Variants in SLC38A11 observed in about 807,000 individuals in gnomAD.
The protein encoded by SLC38A11 is putative sodium-coupled neutral amino acid transporter 11.
Under a neutral mutation model 49.4 loss-of-function variants are expected in SLC38A11, and 51 were observed. The ratio of observed to expected loss-of-function variants is 1.03; its 90% CI spans 0.83 to 1.30. The LOEUF (loss-of-function observed/expected upper bound fraction) is 1.30, where lower values mean the gene tolerates loss of function less well. Ranked by LOEUF, SLC38A11 falls within the 50% of genes most tolerant of loss-of-function variation. The pLI is 0.00. For missense variants in SLC38A11, 574 were observed against 556.2 expected, an observed-to-expected ratio of 1.03 and a Z score of -0.32; for synonymous variants, 203 against 192.9, an observed-to-expected ratio of 1.05 and a Z score of -0.43.
At chr2:164,946,393 C>T (rs200985301) in intron 3 of SLC38A11, among the ~76,000 whole-genome samples, 1 of 151,700 alleles carries the variant, frequency 6.6e-6, no homozygotes, top group African/African-American at 2.4e-5. Context: ...TGGTGAAACC[C>T]CATCTCTACT....
intron 9 of SLC38A11, among the ~76,000 whole-genome samples, chr2:164,913,320 T>G (rs1685533556): frequency 6.6e-6 from 1 of 152,018 alleles, no homozygotes; most frequent in African/African-American, 2.4e-5. Flanking sequence ...AAGTTCCCCG[T>G]TCACTAACCT....
At chr2:164,940,228 TTATATATA>T (rs5836006) in intron 5 of SLC38A11, among the ~76,000 whole-genome samples, 3,337 of 142,128 alleles carry the variant, frequency 0.023, 116 homozygotes, top group African/African-American at 0.073. Context: ...ATAGAAAATT[TTATATATA>T]TATATATATA....
intron 10 of SLC38A11, among the ~76,000 whole-genome samples, chr2:164,909,465 T>C (rs915435084): frequency 1.3e-5 from 2 of 151,336 alleles, no homozygotes; most frequent in Non-Finnish European, 2.9e-5. Context: ...AAAAAGCAAG[T>C]AGAGATCAAT....
chr2:164,914,390 G>A (rs947033464), intron 9 of SLC38A11, among the ~76,000 whole-genome samples: 2 of 152,002 alleles, frequency 1.3e-5, no homozygotes, highest in African/African-American at 4.8e-5. Flanking sequence ...CAAAAAAAGA[G>A]AGAAATATCT....
At chr2:164,901,584 C>G (rs528723520) in intron 11 of SLC38A11, among the ~76,000 whole-genome samples, 6 of 152,178 alleles carry the variant, frequency 3.9e-5, no homozygotes, top group African/African-American at 1.4e-4. Flanking sequence ...AAAAATGCTA[C>G]TGATTTTTGT....
intron 7 of SLC38A11, among the ~76,000 whole-genome samples, chr2:164,929,278 A>G (rs1186643111): frequency 6.6e-6 from 1 of 152,108 alleles, no homozygotes; most frequent in Admixed American, 6.6e-5. Context: ...TTCTGTTGGC[A>G]TCACTGTCCT....
At position 164,911,839 on chromosome 2, in the gene SLC38A11, G is replaced by T. The variant is rs1039787502; in HGVS notation, c.851-91C>A. ...ATTAAATATTAGATATTACAGTTAT[G>T]CATCACCTAATGGCCCACATATATG... On this transcript the variant is annotated intron_variant, in intron 9 of 11. Transcript: ENST00000685975. The T allele has an allele frequency of 2.8e-5, 18 of 633,542 alleles. No individual in the cohort carries two copies. In the Admixed American group the frequency reaches 6.1e-4, roughly 21 times the overall value. The allele number at this position is 633,542 out of a possible 1,614,324, so 39.2% of individuals were successfully genotyped here.
At chr2:164,922,343 A>T (rs1250764477) in intron 7 of SLC38A11, 1 of 152,210 alleles carries the variant, frequency 6.6e-6, no homozygotes, top group Non-Finnish European at 1.5e-5. Flanking sequence ...GCTTTGGATG[A>T]CACAAAACAA....
intron 11 of SLC38A11, among the ~76,000 whole-genome samples, chr2:164,899,227 T>C (rs547824235): frequency 2.0e-5 from 3 of 152,246 alleles, no homozygotes; most frequent in Admixed American, 2.0e-4. Flanking sequence ...TGTGCCTATC[T>C]GTGTGAGAAA....
intron 7 of SLC38A11, among the ~76,000 whole-genome samples, chr2:164,925,219 A>T (rs865880750): frequency 5.3e-5 from 8 of 152,178 alleles, no homozygotes; most frequent in African/African-American, 1.9e-4. Flanking sequence ...ATTGGTGTTA[A>T]CTGTGTTTAC....
chr2:164,926,664 C>T (rs1242953795), intron 7 of SLC38A11, among the ~76,000 whole-genome samples: 2 of 151,994 alleles, frequency 1.3e-5, no homozygotes, highest in African/African-American at 4.8e-5. Flanking sequence ...ACATATACAC[C>T]ATGAAATACT....
rs530253021 is a variant in SLC38A11, at chr2:164,924,872, A to C, written c.618-8899T>G. ...GCCTCAGCCTCCCGAGTAGCTGGGAATACAGGCACCAGCCACCATGCCCGG... is the reference window on the plus strand; with the variant it reads ...GCCTCAGCCTCCCGAGTAGCTGGGACTACAGGCACCAGCCACCATGCCCGG... On this transcript the variant is annotated intron_variant, in intron 7 of 11. Transcript: ENST00000685975. 3.1e-3 allele frequency among the ~76,000 whole-genome samples: 468 copies of C among 151,926 alleles called. 1 individual carries two copies. The highest frequency in any genetic ancestry group is 0.011 in the African/African-American group (442 of 41,444).
intron 5 of SLC38A11, among the ~76,000 whole-genome samples, chr2:164,940,908 C>T (rs1687722836): frequency 2.0e-5 from 3 of 151,674 alleles, no homozygotes; most frequent in Admixed American, 2.0e-4. Context: ...TTCCAAAATC[C>T]ATGCACTCAC....
chr2:164,949,186 C>T (rs1265874336), intron 3 of SLC38A11, among the ~76,000 whole-genome samples: 2 of 101,000 alleles, frequency 2.0e-5, no homozygotes, highest in Non-Finnish European at 4.0e-5. Flanking sequence ...GTTTACCCAT[C>T]GGATTCTAAT....
At chr2:164,917,233 A>G (rs570979993) in intron 7 of SLC38A11, among the ~76,000 whole-genome samples, 1 of 152,316 alleles carries the variant, frequency 6.6e-6, no homozygotes, top group East Asian at 1.9e-4. Context: ...AATAAAAAAC[A>G]GAAATTCTAA....
In SLC38A11 at chr2:164,930,043, A is replaced by T. The variant is rs1321898306; in HGVS notation, c.617+7307T>A. Reference sequence around the variant, plus strand: ...GATGAAAAGCAAGAAGATCCAAATAAATATAATTAAAAACGACAAGGGGAA... The same window carrying T: ...GATGAAAAGCAAGAAGATCCAAATATATATAATTAAAAACGACAAGGGGAA... On this transcript the variant is annotated intron_variant, in intron 7 of 11. Transcript: ENST00000685975. 4.6e-5 allele frequency among the ~76,000 whole-genome samples: 7 copies of T among 152,026 alleles called. No individual in the cohort carries two copies. In the East Asian group the frequency reaches 1.4e-3, roughly 29 times the overall value.
In SLC38A11 at chr2:164,894,490, T is replaced by G. The variant is rs1400750620; in HGVS notation, c.*3947A>C. Among the ~76,000 whole-genome samples, 1 of 152,220 alleles carries G rather than the reference T, an allele frequency of 6.6e-6. No homozygotes were observed. The highest frequency in any genetic ancestry group is 1.5e-5 in the Non-Finnish European group (1 of 68,032). ...AACCCAGTTTTACTCATGTTCCCTA[T>G]GTAATTTTCCAAGTAAGCCATTCTG... On this transcript the variant is annotated 3_prime_UTR_variant, in exon 12 of 12. Transcript: ENST00000685975.
chr2:164,908,002 A>G (rs1346059363), intron 11 of SLC38A11: 1 of 152,178 alleles, frequency 6.6e-6, no homozygotes, highest in African/African-American at 2.4e-5. Context: ...TAAATACATG[A>G]TAGTTGAAAC....
At chr2:164,950,270 A>G (rs547865079) in intron 3 of SLC38A11, 4 of 152,302 alleles carry the variant, frequency 2.6e-5, no homozygotes, top group African/African-American at 9.6e-5. Flanking sequence ...ATTCTCATAT[A>G]ATTTATATAC....
Sources: gnomAD v4.1 joint callset for allele counts (sites outside exome capture counted in the v4.1 genomes callset) on GRCh38, gnomAD v4.1.1 for gene constraint, MANE v1.5 for transcripts, NCBI Gene and HGNC (gene_info 2026-07-23, HGNC 2026-07-21) for gene names.